The following MTUS2 variants were observed in gnomAD, a reference collection of about 807,000 sequenced individuals.
MTUS2 encodes microtubule associated scaffold protein 2.
In MTUS2, 40 loss-of-function variants were observed where a neutral mutation model predicts 114.1. That is an observed-to-expected ratio of 0.35 (90% CI 0.27 to 0.46). The LOEUF (loss-of-function observed/expected upper bound fraction) is 0.46. Ranked by LOEUF, MTUS2 falls within the 20% of genes least tolerant of loss-of-function variation. The probability of loss-of-function intolerance (pLI) is 1.00; values close to 1 mark genes in which losing one functional copy is unlikely to be tolerated. For synonymous variants in MTUS2, 688 were observed against 672.0 expected, an observed-to-expected ratio of 1.02 and a Z score of -0.37; for missense variants, 1,679 against 1,705.4, an observed-to-expected ratio of 0.98 and a Z score of 0.27.
At chr13:29,164,369 A>G (rs1362574391) in intron 5 of MTUS2, among the ~76,000 whole-genome samples, 1 of 152,146 alleles carries the variant, frequency 6.6e-6, no homozygotes, top group Non-Finnish European at 1.5e-5. Context: ...AGCACTGTGC[A>G]TTGGGCTTAG....
At chr13:28,992,480 A>G (rs1180060133) in intron 2 of MTUS2, among the ~76,000 whole-genome samples, 2 of 152,064 alleles carry the variant, frequency 1.3e-5, no homozygotes, top group Non-Finnish European at 1.5e-5. Context: ...GATGGTTTTG[A>G]CGGCTGCACA....
At position 29,446,882 on chromosome 13, in the gene MTUS2, G is replaced by C. The variant is rs566677614; in HGVS notation, c.3184+6833G>C. On this transcript the variant is annotated intron_variant, in intron 9 of 15. Coordinates refer to ENST00000612955, the MANE Select transcript of MTUS2 (RefSeq NM_001033602.4). Reference sequence around the variant, plus strand: ...ATATCAGGGTGTGGTTTAGGACGGAGCTTTTATGGTTCAAGAGTAGAGTCC... The same window carrying C: ...ATATCAGGGTGTGGTTTAGGACGGACCTTTTATGGTTCAAGAGTAGAGTCC... Among the ~76,000 whole-genome samples the C allele has an allele frequency of 4.5e-3, 688 of 152,132 alleles. 5 individuals carry two copies. The highest frequency in any genetic ancestry group is 0.016 in the African/African-American group (664 of 41,452).
At chr13:28,836,464 C>T (rs1246132536) in intron 1 of MTUS2, among the ~76,000 whole-genome samples, 1 of 152,224 alleles carries the variant, frequency 6.6e-6, no homozygotes, top group East Asian at 1.9e-4. Flanking sequence ...TATTTACTGA[C>T]ATCTGTTCTC....
intron 2 of MTUS2, among the ~76,000 whole-genome samples, chr13:28,848,420 T>TAATTGCTGTTCTGAAA (rs1225177459): frequency 6.6e-6 from 1 of 152,132 alleles, no homozygotes; most frequent in Non-Finnish European, 1.5e-5. Flanking sequence ...TGTATGACAA[T>TAATTGCTGTTCTGAAA]AATTGCTGTT....
intron 5 of MTUS2, among the ~76,000 whole-genome samples, chr13:29,200,521 G>GGTTTTTTTTTTT (rs1309388936): frequency 1.2e-5 from 1 of 85,420 alleles, no homozygotes; most frequent in African/African-American, 4.9e-5. Flanking sequence ...TTCTTTTTCT[G>GGTTTTTTTTTTT]TTTTTTTTTT....
intron 6 of MTUS2, among the ~76,000 whole-genome samples, chr13:29,318,616 T>C (rs1402632266): frequency 1.3e-5 from 2 of 152,184 alleles, no homozygotes; most frequent in Non-Finnish European, 2.9e-5. Flanking sequence ...TTGCAATTGG[T>C]CTTTGTTTTA....
intron 5 of MTUS2, among the ~76,000 whole-genome samples, chr13:29,145,515 A>G (rs1406344526): frequency 6.6e-6 from 1 of 152,168 alleles, no homozygotes; most frequent in Non-Finnish European, 1.5e-5. Context: ...GCAAGACTCC[A>G]TCTCAAAAAA....
chr13:28,851,818 T>A (rs1307119013), intron 2 of MTUS2, among the ~76,000 whole-genome samples: 1 of 60,526 alleles, frequency 1.7e-5, no homozygotes, highest in Non-Finnish European at 4.6e-5. Flanking sequence ...TGAGCAGGAC[T>A]TAGCGCCCAG....
At chr13:29,376,009 GTGTGTATGTATGTGTGTGTATA>G (rs1327128931) in intron 8 of MTUS2, among the ~76,000 whole-genome samples, 1 of 99,676 alleles carries the variant, frequency 1.0e-5, no homozygotes, top group Non-Finnish European at 2.0e-5. Flanking sequence ...ATGTGTGTGT[GTGTGTATGTATGTGTGTGTATA>G]TATATATATG....
chr13:29,180,719 G>T (rs1893963880), intron 5 of MTUS2, among the ~76,000 whole-genome samples: 1 of 152,160 alleles, frequency 6.6e-6, no homozygotes, highest in Admixed American at 6.5e-5. Flanking sequence ...GCCACCTCTG[G>T]TTCAGTCATT....
At chr13:28,829,416 C>T (rs1346571307) in intron 1 of MTUS2, among the ~76,000 whole-genome samples, 1 of 152,010 alleles carries the variant, frequency 6.6e-6, no homozygotes, top group Non-Finnish European at 1.5e-5. Flanking sequence ...TATGTAATCT[C>T]AGCTACTTGG....
intron 5 of MTUS2, among the ~76,000 whole-genome samples, chr13:29,143,758 G>GAATTCTATGA (rs1377722097): frequency 1.3e-5 from 2 of 152,160 alleles, no homozygotes; most frequent in Non-Finnish European, 2.9e-5. Flanking sequence ...AAACCATAGA[G>GAATTCTATGA]AATTCTATGA....
At position 29,249,588 on chromosome 13, in the gene MTUS2, G is replaced by T. The variant is rs536525388; in HGVS notation, c.2645-32116G>T. Among the ~76,000 whole-genome samples, 276 of 152,220 alleles carry T rather than the reference G, an allele frequency of 1.8e-3. 1 individual carries two copies. The highest frequency in any genetic ancestry group is 6.4e-3 in the African/African-American group (266 of 41,528). ...ATGTTGAGCTTTTTTTAATATGTTT[G>T]TTGGCGGCATAAATGTCTTCTTTTG... On this transcript the variant is annotated intron_variant, in intron 5 of 15. Transcript: ENST00000612955.
chr13:29,074,579 T>C (rs368430969), intron 4 of MTUS2, among the ~76,000 whole-genome samples: 7 of 152,184 alleles, frequency 4.6e-5, no homozygotes, highest in African/African-American at 1.7e-4. Flanking sequence ...CTCTTCCTTC[T>C]CCTACTTCTT....
chr13:29,055,336 A>G (rs1888083643), intron 4 of MTUS2, among the ~76,000 whole-genome samples: 1 of 152,082 alleles, frequency 6.6e-6, no homozygotes, highest in South Asian at 2.1e-4. Flanking sequence ...TTCCTATGCT[A>G]TTAATATAGT....
intron 2 of MTUS2, among the ~76,000 whole-genome samples, chr13:28,854,502 C>A (rs965829511): frequency 1.3e-5 from 2 of 152,144 alleles, no homozygotes; most frequent in African/African-American, 4.8e-5. Flanking sequence ...TTTGCCTTTT[C>A]CCCTCTGCGT....
chr13:28,992,289 GA>G (rs1186924187), intron 2 of MTUS2, among the ~76,000 whole-genome samples: 6 of 152,330 alleles, frequency 3.9e-5, no homozygotes, highest in African/African-American at 1.4e-4. Context: ...AGGGAAAACA[GA>G]AGAAAGACAT....
At chr13:29,473,570 A>G (rs1880470238) in intron 9 of MTUS2, among the ~76,000 whole-genome samples, 1 of 152,162 alleles carries the variant, frequency 6.6e-6, no homozygotes, top group Non-Finnish European at 1.5e-5. Context: ...TTTATATATT[A>G]TATATGTCGG....
At chr13:29,120,254 TCATATC>T (rs1175982442) in intron 5 of MTUS2, among the ~76,000 whole-genome samples, 1 of 146,464 alleles carries the variant, frequency 6.8e-6, no homozygotes, top group Non-Finnish European at 1.5e-5. Flanking sequence ...TTAAAGGTAT[TCATATC>T]ATGAATACCT....
Sources: allele counts gnomAD v4.1 joint callset (sites outside exome capture counted in the v4.1 genomes callset), GRCh38; gene constraint gnomAD v4.1.1; transcripts MANE v1.5; gene names NCBI Gene and HGNC (gene_info 2026-07-23, HGNC 2026-07-21).